CASP10: variants seen among roughly 807,000 people sequenced by gnomAD.
CASP10 encodes caspase-10.
Under a neutral mutation model 48.5 loss-of-function variants are expected in CASP10, and 41 were observed. That is an observed-to-expected ratio of 0.85 (90% CI 0.66 to 1.10). The LOEUF is 1.10. Ranked by LOEUF, CASP10 falls within the 50% of genes least tolerant of loss-of-function variation. CASP10 has a pLI of 0.00. For synonymous variants in CASP10, 232 were observed against 238.4 expected (o/e 0.97, Z 0.25); for missense variants, 614 against 614.5 (o/e 1.00, Z 0.01).
chr2:201,209,915 A>G lies in CASP10; in HGVS notation c.1415+353A>G, dbSNP rs1223884943. On this transcript the variant is annotated intron_variant, in intron 9 of 9. Coordinates refer to ENST00000286186, the MANE Select transcript of CASP10 (RefSeq NM_032977.4). ...TACAAGCTAGAGGGATAGACAAACA[A>G]ATAGACGGGGAAGGGCATCCCCAGC... Among the ~76,000 whole-genome samples the G allele has an allele frequency of 3.9e-5, 6 of 152,210 alleles. No individual in the cohort carries two copies. The South Asian group carries it at 8.3e-4, about 21-fold the overall frequency.
intron 5 of CASP10, among the ~76,000 whole-genome samples, chr2:201,199,881 C>T (rs1448202799): frequency 2.0e-5 from 3 of 152,036 alleles, no homozygotes; most frequent in Non-Finnish European, 4.4e-5. Flanking sequence ...GCATAGTCTC[C>T]TTTAATCTTG....
Position 201,217,149 on chromosome 2 carries a change from T to C in CASP10, c.1416-439T>C, listed in dbSNP as rs148155183. 4.1e-3 allele frequency among the ~76,000 whole-genome samples: 629 copies of C among 152,322 alleles called. 9 individuals are homozygous for C. The highest frequency in any genetic ancestry group is 0.014 in the African/African-American group (587 of 41,552). ...TTTGTATCTCTCCCAAGACTACAGA[T>C]AGAGAGGGCATTGTTGGTATCTGTG... On this transcript the variant is annotated intron_variant, in intron 9 of 9. Coordinates refer to ENST00000286186, the MANE Select transcript of CASP10 (RefSeq NM_032977.4).
At chr2:201,186,939 C>T (rs963296416) in intron 2 of CASP10, among the ~76,000 whole-genome samples, 1 of 152,160 alleles carries the variant, frequency 6.6e-6, no homozygotes, top group Non-Finnish European at 1.5e-5. Flanking sequence ...CCACGCACCT[C>T]GGCCTCCCAA....
rs34234167 is a variant in CASP10 at position 201,198,539 on chromosome 2, C to CTTTT, written c.684+2607_684+2610dup. Among the ~76,000 whole-genome samples, 355 of 87,984 alleles carry CTTTT rather than the reference C, an allele frequency of 4.0e-3. 25 individuals carry two copies. Among genetic ancestry groups the CTTTT allele is most frequent in the African/African-American group, 0.015 (314 of 20,590 alleles). 57.7% of individuals were successfully genotyped at this position (87,984 alleles called of 152,430 possible). A position where few individuals can be genotyped will look rare whatever the true frequency, so the allele number is the denominator to read the frequency against. ...CGTACCCGGCCTTTATTTTTTAATTCTTTTTTTTTTTTTTTTTTTGAGACT... is the reference window on the plus strand; with the variant it reads ...CGTACCCGGCCTTTATTTTTTAATTCTTTTTTTTTTTTTTTTTTTTTTTGAGACT... On this transcript the variant is annotated intron_variant, in intron 5 of 9. Transcript: ENST00000286186.
Position 201,209,570 on chromosome 2 carries a change from C to G in CASP10, c.1415+8C>G, listed in dbSNP as rs200638628. 1.3e-4 allele frequency: 200 copies of G among 1,597,696 alleles called. No homozygotes were observed. The highest frequency in any genetic ancestry group is 6.7e-4 in the Middle Eastern group (4 of 5,980). On this transcript the variant is annotated splice_region_variant and intron_variant, in intron 9 of 9. Transcript: ENST00000286186. ...GAAGAAATTGGTCCCAAGGTGAGAG[C>G]TCTTTTTTTTCTTCCATTTGTAATT...
chr2:201,218,935 C>T lies in CASP10; in HGVS notation c.*1194C>T. ...GTAGGAAGATGATGGCTCATTTACA[C>T]TCAGCTGCTCTGCAAGCAGAAACTT... On this transcript the variant is annotated 3_prime_UTR_variant, in exon 10 of 10. Transcript: ENST00000286186. 4 of 985,456 alleles carry T rather than the reference C, an allele frequency of 4.1e-6. No individual in the cohort carries two copies. Among genetic ancestry groups the T allele is most frequent in the Non-Finnish European group, 4.8e-6 (4 of 829,956 alleles). 61.0% of individuals were successfully genotyped at this position (985,456 alleles called of 1,614,324 possible). A position where few individuals can be genotyped will look rare whatever the true frequency, so the allele number is the denominator to read the frequency against.
intron 9 of CASP10, among the ~76,000 whole-genome samples, chr2:201,227,620 G>T (rs1254145421): frequency 6.6e-6 from 1 of 152,154 alleles, no homozygotes; most frequent in East Asian, 1.9e-4. Context: ...GCAGTGGCAC[G>T]ATCTCGGCTC....
rs111572089 is a variant in CASP10, at chr2:201,219,705, CT to C, written c.*1982del. 0.29 allele frequency: 224,330 copies of C among 772,676 alleles called. 86 individuals are homozygous for C. Among genetic ancestry groups the C allele is most frequent in the Non-Finnish European group, 0.31 (203,221 of 654,334 alleles). The allele number at this position is 772,676 out of a possible 1,614,324, so 47.9% of individuals were successfully genotyped here. A position where few individuals can be genotyped will look rare whatever the true frequency, so the allele number is the denominator to read the frequency against. On this transcript the variant is annotated 3_prime_UTR_variant, in exon 10 of 10. Coordinates refer to ENST00000286186, the MANE Select transcript of CASP10 (RefSeq NM_032977.4). ...TTTTGAGCATTTTTACGTACTTGAG[CT>C]TTTTTTTTTTTTTTTTTCAATTTCT...
intron 3 of CASP10, among the ~76,000 whole-genome samples, chr2:201,188,194 T>G (rs931091821): frequency 2.6e-5 from 4 of 152,188 alleles, no homozygotes; most frequent in Admixed American, 6.6e-5. Context: ...TTTTGTTTTT[T>G]TTTGAGACGA....
rs1945637102 is a variant in CASP10 at position 201,218,316 on chromosome 2, T to C, written c.*575T>C. On this transcript the variant is annotated 3_prime_UTR_variant, in exon 10 of 10. Coordinates refer to ENST00000286186, the MANE Select transcript of CASP10 (RefSeq NM_032977.4). ...TTGGCTTTGGTTTGTGCAGGTACTT[T>C]TTCTTTGAGACAGAGTCACTCCGTC... 1 of 994,296 alleles carries C rather than the reference T, an allele frequency of 1.0e-6. No homozygotes were observed. Among genetic ancestry groups the C allele is most frequent in the Admixed American group, 5.7e-5 (1 of 17,560 alleles). 61.6% of individuals were successfully genotyped at this position (994,296 alleles called of 1,614,324 possible). A position where few individuals can be genotyped will look rare whatever the true frequency, so the allele number is the denominator to read the frequency against.
downstream of CASP10, among the ~76,000 whole-genome samples, chr2:201,223,974 C>CTT (rs1176568608): frequency 5.8e-5 from 8 of 137,188 alleles, no homozygotes; most frequent in African/African-American, 8.2e-5. Context: ...GAACTCTTTT[C>CTT]TTTTTTTTTT....
chr2:201,209,581 C>G lies in CASP10; in HGVS notation c.1415+19C>G, dbSNP rs1351455886. 3 of 1,592,558 alleles carry G rather than the reference C, an allele frequency of 1.9e-6. No individual in the cohort carries two copies. Among genetic ancestry groups the G allele is most frequent in the Non-Finnish European group, 8.5e-7 (1 of 1,172,182 alleles). ...TCCCAAGGTGAGAGCTCTTTTTTTT[C>G]TTCCATTTGTAATTAATTAGTTTTA... On this transcript the variant is annotated intron_variant, in intron 9 of 9. Coordinates refer to ENST00000286186, the MANE Select transcript of CASP10 (RefSeq NM_032977.4).
In CASP10 at chr2:201,205,881, GGTAACA is replaced by G; in HGVS notation, c.723_728del (p.Asn242_Arg243del). ...TGGAGTCTGAGTACCTCTCTTTCTA[GGTAACA>G]GAGCCACAAATGGTGCACCAAGCCT... On this transcript the variant is annotated inframe_deletion and splice_region_variant, in exon 7 of 10. Coordinates refer to ENST00000286186, the MANE Select transcript of CASP10 (RefSeq NM_032977.4). The G allele has an allele frequency of 6.3e-7, 1 of 1,587,068 alleles. No individual in the cohort carries two copies. The highest frequency in any genetic ancestry group is 1.1e-5 in the South Asian group (1 of 90,542).
intron 5 of CASP10, among the ~76,000 whole-genome samples, chr2:201,199,465 A>AGGAGTT (rs1429845340): frequency 6.6e-6 from 1 of 152,144 alleles, no homozygotes; most frequent in Admixed American, 6.6e-5. Flanking sequence ...AGCCTGGGCA[A>AGGAGTT]CATAGTGAGA....
chr2:201,201,684 C>T (rs971195398), intron 5 of CASP10, among the ~76,000 whole-genome samples: 15 of 152,190 alleles, frequency 9.9e-5, no homozygotes, highest in Admixed American at 7.2e-4. Context: ...CGTGTTTTCA[C>T]AGACTTTTAA....
intron 9 of CASP10, chr2:201,213,369 C>A (rs1041057478): frequency 6.6e-6 from 1 of 152,010 alleles, no homozygotes. Flanking sequence ...TATGTTTTCT[C>A]GTGTAAAGGA....
chr2:201,208,740 G>A (rs568100244), intron 8 of CASP10, among the ~76,000 whole-genome samples: 5 of 152,132 alleles, frequency 3.3e-5, no homozygotes, highest in Admixed American at 3.3e-4. Flanking sequence ...GTGCAGTGGT[G>A]CAGTCCCAGC....
In CASP10 at chr2:201,183,188, A is replaced by C. The variant is rs1944290576; in HGVS notation, c.-128A>C. On this transcript the variant is annotated 5_prime_UTR_variant, in exon 1 of 10. Transcript: ENST00000286186. ...AAGTCTTGAAGTCTCTTCCCAAGCA[A>C]ATGGGAGCTTCTTTGGACCTTGGAG... 1 of 152,226 alleles carries C rather than the reference A, an allele frequency of 6.6e-6. No homozygotes were observed. Among genetic ancestry groups the C allele is most frequent in the South Asian group, 2.1e-4 (1 of 4,834 alleles). 9.4% of individuals were successfully genotyped at this position (152,226 alleles called of 1,614,324 possible). A position where few individuals can be genotyped will look rare whatever the true frequency, so the allele number is the denominator to read the frequency against.
chr2:201,205,371 A>ATG (rs1478477664), intron 6 of CASP10, among the ~76,000 whole-genome samples: 9 of 151,254 alleles, frequency 6.0e-5, no homozygotes, highest in Admixed American at 5.3e-4. Flanking sequence ...ACTACAGGCA[A>ATG]TGTGTCACCA....
Sources: allele counts gnomAD v4.1 joint callset (sites outside exome capture counted in the v4.1 genomes callset), GRCh38; gene constraint gnomAD v4.1.1; transcripts MANE v1.5; gene names NCBI Gene and HGNC (gene_info 2026-07-23, HGNC 2026-07-21).